SLC2A2: variants seen among roughly 807,000 people sequenced by gnomAD.
SLC2A2 encodes the protein solute carrier family 2, facilitated glucose transporter member 2.
In SLC2A2, 36 loss-of-function variants were observed where a neutral mutation model predicts 54.5. The ratio of observed to expected loss-of-function variants is 0.66; its 90% confidence interval spans 0.51 to 0.87. The LOEUF is 0.87. SLC2A2 is among the 40% of genes least tolerant of loss of function. SLC2A2 has a pLI of 0.00. For missense variants in SLC2A2, 543 were observed against 624.3 expected (o/e 0.87, Z 1.39); for synonymous variants, 223 against 219.1 (o/e 1.02, Z -0.16).
intron 10 of SLC2A2, 29 bp from the exon 11 acceptor site, chr3:170,998,132 G>A (rs201322542): frequency 1.2e-6 from 2 of 1,613,394 alleles, no homozygotes; most frequent in East Asian, 4.5e-5. Context: ...CAGACTTTGA[G>A]TTAGCAGTTT....
intron 1 of SLC2A2, among the ~76,000 whole-genome samples, chr3:171,024,146 C>G (rs1383657606): frequency 6.6e-6 from 1 of 152,130 alleles, no homozygotes; most frequent in Non-Finnish European, 1.5e-5. Context: ...GGGTATAAAA[C>G]TAGTTAATGC....
At chr3:171,024,489 A>G (rs929890617) in intron 1 of SLC2A2, among the ~76,000 whole-genome samples, 1 of 152,208 alleles carries the variant, frequency 6.6e-6, no homozygotes, top group Non-Finnish European at 1.5e-5. Context: ...AGATTTTTCC[A>G]GCAATTACTG....
In SLC2A2 at chr3:171,014,652, CTGTTGATAACATAGT is replaced by C; in HGVS notation, c.173_187del (p.Asn58_Asn62del). 17 of 1,613,970 alleles carry C rather than the reference CTGTTGATAACATAGT, an allele frequency of 1.1e-5. No individual in the cohort carries two copies. The highest frequency in any genetic ancestry group is 1.4e-5 in the Non-Finnish European group (17 of 1,179,878). ...TGAGATTGTGGGCAGTTCATCTGTACTGTTGATAACATAGTTGTTGATAGCTTTTCGGTCATCCAG... is the reference window on the plus strand; with the variant it reads ...TGAGATTGTGGGCAGTTCATCTGTACTGTTGATAGCTTTTCGGTCATCCAG... On this transcript the variant is annotated inframe_deletion, in exon 3 of 11. Coordinates refer to ENST00000314251, the MANE Select transcript of SLC2A2 (RefSeq NM_000340.2).
intron 5 of SLC2A2, among the ~76,000 whole-genome samples, chr3:171,006,309 T>A (rs575395808): frequency 4.6e-5 from 7 of 151,998 alleles, no homozygotes; most frequent in South Asian, 2.1e-4. Flanking sequence ...TAGGTTTTTT[T>A]ATCTCACTTT....
At chr3:171,022,808 C>T (rs945159130) in intron 1 of SLC2A2, among the ~76,000 whole-genome samples, 1 of 152,188 alleles carries the variant, frequency 6.6e-6, no homozygotes, top group African/African-American at 2.4e-5. Flanking sequence ...GGGGTGATAG[C>T]GATAGCTGCA....
chr3:170,999,069 A>C lies in SLC2A2; in HGVS notation c.1166T>G (p.Leu389Arg), dbSNP rs121909747. ...CAGTGCAGGCACCAAACTTACCAGC[A>C]GCACAAGTCCCACTGACATGAAGAT... is the stretch of plus-strand genomic sequence containing the variant. ...CAIFMSVGLV[L>R]LNKFSWMSYV... Residue 389 changes from leucine (L) to arginine (R), a missense_variant, in exon 9 of 11, where the codon CTG (leucine) becomes CGG (arginine). Leu to Arg is a moderately radical substitution (Grantham distance 102). Coordinates refer to ENST00000314251, the MANE Select transcript of SLC2A2 (RefSeq NM_000340.2). The C allele has an allele frequency of 6.2e-7, 1 of 1,607,198 alleles. No individual in the cohort carries two copies.
chr3:171,015,338 C>T (rs888628707), intron 2 of SLC2A2, among the ~76,000 whole-genome samples: 2 of 151,996 alleles, frequency 1.3e-5, no homozygotes, highest in Non-Finnish European at 2.9e-5. Context: ...GGCATGGTGG[C>T]ACATGCCTGT....
rs1403973355 is a variant in SLC2A2, at chr3:170,996,987, T to A, written c.*916A>T. 3.2e-5 allele frequency: 7 copies of A among 218,642 alleles called. No individual in the cohort carries two copies. The highest frequency in any genetic ancestry group is 5.3e-5 in the Non-Finnish European group (6 of 112,222). The allele number at this position is 218,642 out of a possible 1,614,324, so 13.5% of individuals were successfully genotyped here. On this transcript the variant is annotated 3_prime_UTR_variant, in exon 11 of 11. Coordinates refer to ENST00000314251, the MANE Select transcript of SLC2A2 (RefSeq NM_000340.2). ...ATCAATCCTTTACTTCAAATTTTCT[T>A]ACATTAGATTTGATCAAACTTATTA... is the stretch of plus-strand genomic sequence containing the variant.
chr3:170,999,588 A>G (rs898698063), intron 8 of SLC2A2, among the ~76,000 whole-genome samples: 84 of 152,170 alleles, frequency 5.5e-4, no homozygotes, highest in African/African-American at 1.9e-3. Context: ...TAGTTATCCT[A>G]AGTTATAATT....
intron 3 of SLC2A2, among the ~76,000 whole-genome samples, chr3:171,012,840 T>C (rs1420851935): frequency 6.6e-6 from 1 of 152,174 alleles, no homozygotes; most frequent in Non-Finnish European, 1.5e-5. Context: ...GAAACCTCAC[T>C]TTTTGTTTAC....
At position 171,002,801 on chromosome 3, in the gene SLC2A2, T is replaced by G. The variant is rs535711154; in HGVS notation, c.964-121A>C. The G allele has an allele frequency of 7.4e-6, 5 of 673,458 alleles. 1 individual carries two copies. The East Asian group carries it at 1.4e-4, about 19-fold the overall frequency. 41.7% of individuals were successfully genotyped at this position (673,458 alleles called of 1,614,324 possible). A position where few individuals can be genotyped will look rare whatever the true frequency, so the allele number is the denominator to read the frequency against. ...TCTATAGCGGCATGCACCCTAGAAC[T>G]TCGTACAGATTTTCTCCTTCCAAGG... On this transcript the variant is annotated intron_variant, in intron 7 of 10. Coordinates refer to ENST00000314251, the MANE Select transcript of SLC2A2 (RefSeq NM_000340.2).
intron 2 of SLC2A2, 92 bp downstream of exon 2, chr3:171,018,439 G>A (rs925986537): frequency 7.6e-6 from 7 of 921,662 alleles, no homozygotes; most frequent in Admixed American, 3.4e-5. Context: ...TGTCTCCCAC[G>A]TGGACACCCT....
chr3:171,014,277 C>A (rs1716022470), intron 3 of SLC2A2, among the ~76,000 whole-genome samples, 192 bp downstream of exon 3: 1 of 151,696 alleles, frequency 6.6e-6, no homozygotes, highest in African/African-American at 2.4e-5. Context: ...AATGTCTGAA[C>A]AATTAACCAA....
chr3:171,006,680 G>A (rs1477931358), intron 5 of SLC2A2, among the ~76,000 whole-genome samples: 1 of 151,946 alleles, frequency 6.6e-6, no homozygotes, highest in Non-Finnish European at 1.5e-5. Context: ...GACACCATAG[G>A]GTAGAAGGGA....
At chr3:171,010,830 C>G (rs1324782577) in intron 3 of SLC2A2, among the ~76,000 whole-genome samples, 1 of 152,044 alleles carries the variant, frequency 6.6e-6, no homozygotes, top group Non-Finnish European at 1.5e-5. Flanking sequence ...AACAAAAACA[C>G]TTTCAAAATT....
At chr3:171,026,272 A>G (rs1716687752) in intron 1 of SLC2A2, among the ~76,000 whole-genome samples, 1 of 151,684 alleles carries the variant, frequency 6.6e-6, no homozygotes, top group South Asian at 2.1e-4. Flanking sequence ...CTTTTAATCT[A>G]GAGAACAACC....
chr3:171,007,491 A>G, intron 4 of SLC2A2: 1 of 535,248 alleles, frequency 1.9e-6, no homozygotes, highest in Non-Finnish European at 3.4e-6. Context: ...TTAGTCATGT[A>G]TTTGACAGTT....
intron 8 of SLC2A2, among the ~76,000 whole-genome samples, chr3:171,001,891 A>ATCCTTAATATATAAGAACC (rs1715351968): frequency 4.0e-5 from 6 of 150,362 alleles, no homozygotes; most frequent in African/African-American, 1.2e-4. Context: ...CTTCTTATAT[A>ATCCTTAATATATAAGAACC]AAGTTATTTG....
intron 1 of SLC2A2, among the ~76,000 whole-genome samples, chr3:171,019,573 A>AT (rs1019454089): frequency 6.6e-5 from 10 of 152,126 alleles, no homozygotes; most frequent in Non-Finnish European, 1.5e-4. Context: ...TTAGTTTAGC[A>AT]TTTTTTTGTG....
Sources: gnomAD v4.1 joint callset for allele counts (sites outside exome capture counted in the v4.1 genomes callset) on GRCh38, gnomAD v4.1.1 for gene constraint, MANE v1.5 for transcripts, NCBI Gene and HGNC (gene_info 2026-07-23, HGNC 2026-07-21) for gene names.